MYO10: variants seen among roughly 807,000 people sequenced by gnomAD.
The protein encoded by MYO10 is myosin X.
A neutral mutation model predicts 257.3 loss-of-function variants in MYO10; 133 were observed. The ratio of observed to expected loss-of-function variants is 0.52; its 90% CI spans 0.45 to 0.60. MYO10 has a LOEUF of 0.60. Ranked by LOEUF, MYO10 falls within the 20% of genes least tolerant of loss-of-function variation. MYO10 has a pLI of 0.00. For synonymous variants in MYO10, 1,104 were observed against 1,028.6 expected, an observed-to-expected ratio of 1.07 and a Z score of -1.40; for missense variants, 2,399 against 2,635.7, an observed-to-expected ratio of 0.91 and a Z score of 1.97.
chr5:16,763,616 TAA>T, intron 13 of MYO10, 37 bp downstream of exon 13: 2 of 1,261,234 alleles, frequency 1.6e-6, no homozygotes, highest in Non-Finnish European at 2.2e-6. Context: ...GTTGCTGCTT[TAA>T]AAAAAAAAAT....
chr5:16,762,171 T>G (rs150748663), intron 15 of MYO10, 58 bp from the exon 16 acceptor site: 1 of 1,445,668 alleles, frequency 6.9e-7, no homozygotes, highest in Non-Finnish European at 9.1e-7. Context: ...ACTCACTGAT[T>G]TCCTTTGACT....
At chr5:16,725,787 CTT>C (rs35020175) in intron 19 of MYO10, among the ~76,000 whole-genome samples, 68,348 of 137,944 alleles carry the variant, frequency 0.5, 16,808 homozygotes, top group Non-Finnish European at 0.57. Flanking sequence ...CAGGTACCCC[CTT>C]TTTTTTTTTT....
intron 19 of MYO10, among the ~76,000 whole-genome samples, chr5:16,739,230 C>T (rs151185184): frequency 6.7e-6 from 1 of 149,658 alleles, no homozygotes; most frequent in African/African-American, 2.4e-5. Context: ...TTAAACCATT[C>T]AATCCTCACA....
At chr5:16,822,170 C>T (rs1400703670) in intron 2 of MYO10, among the ~76,000 whole-genome samples, 1 of 151,942 alleles carries the variant, frequency 6.6e-6, no homozygotes, top group Non-Finnish European at 1.5e-5. Context: ...CTAATGGATG[C>T]TGGGCTTAAG....
At chr5:16,710,656 C>T in intron 21 of MYO10, 1 of 523,298 alleles carries the variant, frequency 1.9e-6, no homozygotes, top group Non-Finnish European at 3.4e-6. Context: ...AATACCCACA[C>T]ACAAACAATT....
intron 19 of MYO10, among the ~76,000 whole-genome samples, chr5:16,747,274 C>T (rs921917379): frequency 2.6e-5 from 4 of 152,144 alleles, no homozygotes; most frequent in African/African-American, 9.7e-5. Context: ...CCCGGGTATC[C>T]TCCAGCTACA....
At chr5:16,779,449 C>T in intron 9 of MYO10, 96 bp downstream of exon 9, 1 of 681,838 alleles carries the variant, frequency 1.5e-6, no homozygotes, top group Non-Finnish European at 2.4e-6. Flanking sequence ...ACTTCTATTT[C>T]TATTTAAAAA....
intron 3 of MYO10, among the ~76,000 whole-genome samples, chr5:16,811,366 A>G (rs1433232661): frequency 6.6e-6 from 1 of 152,160 alleles, no homozygotes; most frequent in Non-Finnish European, 1.5e-5. Context: ...GTGGGGAACC[A>G]ATGGTTTAAG....
At chr5:16,863,963 T>A (rs1392431715) in intron 2 of MYO10, among the ~76,000 whole-genome samples, 1 of 152,142 alleles carries the variant, frequency 6.6e-6, no homozygotes, top group Non-Finnish European at 1.5e-5. Flanking sequence ...CCAGGCTTGG[T>A]GGCACACACC....
intron 2 of MYO10, among the ~76,000 whole-genome samples, chr5:16,834,565 G>A (rs1743256806): frequency 1.3e-5 from 2 of 152,258 alleles, no homozygotes; most frequent in East Asian, 1.9e-4. Flanking sequence ...CTAAAGGGAT[G>A]AACAGCAGCT....
chr5:16,685,187 T>G (rs551863184), intron 29 of MYO10, among the ~76,000 whole-genome samples: 2 of 152,314 alleles, frequency 1.3e-5, no homozygotes, highest in Admixed American at 1.3e-4. Flanking sequence ...CTGGAATGTA[T>G]TACTACTTAC....
intron 26 of MYO10, among the ~76,000 whole-genome samples, chr5:16,697,526 C>G (rs1159365846): frequency 6.6e-6 from 1 of 151,982 alleles, no homozygotes; most frequent in Admixed American, 6.6e-5. Context: ...ATGGTGAAAC[C>G]CTGTCTCTAC....
intron 2 of MYO10, among the ~76,000 whole-genome samples, chr5:16,837,808 C>T (rs1743359017): frequency 1.3e-5 from 2 of 152,148 alleles, no homozygotes; most frequent in South Asian, 2.1e-4. Flanking sequence ...TCTTACAAAT[C>T]GAGGGTTTGT....
chr5:16,845,492 C>T (rs2126730766), intron 2 of MYO10, among the ~76,000 whole-genome samples: 1 of 152,176 alleles, frequency 6.6e-6, no homozygotes, highest in Non-Finnish European at 1.5e-5. Context: ...CAAAGCGAGA[C>T]TCACGCCTCT....
In MYO10 at chr5:16,811,068, C is replaced by CAAA. The variant is rs11420807; in HGVS notation, c.279+6938_279+6940dup. Among the ~76,000 whole-genome samples the CAAA allele has an allele frequency of 1.3e-3, 144 of 108,946 alleles. 3 individuals are homozygous for CAAA. Among genetic ancestry groups the CAAA allele is most frequent in the East Asian group, 5.4e-3 (18 of 3,360 alleles). The allele number at this position is 108,946 out of a possible 152,430, so 71.5% of individuals were successfully genotyped here. A position where few individuals can be genotyped will look rare whatever the true frequency, so the allele number is the denominator to read the frequency against. On this transcript the variant is annotated intron_variant, in intron 3 of 40. Transcript: ENST00000513610. ...TGGGCGAAAGAGCAAGACTCTGTCTCAAAAAAAAAAAAAAAAACAAAAAGA... is the reference window on the plus strand; with the variant it reads ...TGGGCGAAAGAGCAAGACTCTGTCTCAAAAAAAAAAAAAAAAAAAACAAAAAGA...
At chr5:16,861,592 T>C (rs1744110748) in intron 2 of MYO10, among the ~76,000 whole-genome samples, 2 of 151,782 alleles carry the variant, frequency 1.3e-5, no homozygotes, top group African/African-American at 4.8e-5. Context: ...AAAAAAGCTA[T>C]TGCAAAGTAG....
At chr5:16,745,195 C>A (rs1331117287) in intron 19 of MYO10, among the ~76,000 whole-genome samples, 2 of 152,030 alleles carry the variant, frequency 1.3e-5, no homozygotes. Flanking sequence ...CAAAAATTAG[C>A]TGGGAGTGGT....
At position 16,898,640 on chromosome 5, in the gene MYO10, C is replaced by A. The variant is rs59619967; in HGVS notation, c.22-20933G>T. On this transcript the variant is annotated intron_variant, in intron 1 of 40. Transcript: ENST00000513610. ...GCCAGGCTGGTCTCGAACTCCTGAC[C>A]TCAGGTGATCCACCCACCTCAGCCT... Among the ~76,000 whole-genome samples the A allele has an allele frequency of 7.7e-3, 1,166 of 151,706 alleles. 15 individuals carry two copies. The highest frequency in any genetic ancestry group is 0.026 in the African/African-American group (1,079 of 41,420).
At chr5:16,702,871 C>G (rs1376277686) in intron 23 of MYO10, 54 bp downstream of exon 23, 2 of 1,468,064 alleles carry the variant, frequency 1.4e-6, no homozygotes, top group African/African-American at 2.8e-5. Flanking sequence ...AGATACCGAG[C>G]ACAGCACTCA....
Sources: gnomAD v4.1 joint callset for allele counts (sites outside exome capture counted in the v4.1 genomes callset) on GRCh38, gnomAD v4.1.1 for gene constraint, MANE v1.5 for transcripts, NCBI Gene and HGNC (gene_info 2026-07-23, HGNC 2026-07-21) for gene names.